Variants in ZNF718 observed in about 807,000 individuals in gnomAD.
ZNF718 encodes zinc finger protein 718.
Under a neutral mutation model 2.6 loss-of-function variants are expected in ZNF718, and 3 were observed. That is an observed-to-expected ratio of 1.16 (90% CI 0.53 to 3.01). The LOEUF is 3.01. Ranked by LOEUF, ZNF718 falls within the 30% of genes most tolerant of loss-of-function variation. The probability of loss-of-function intolerance (pLI) is 0.03; values close to 1 mark genes in which losing one functional copy is unlikely to be tolerated. For missense variants in ZNF718, 468 were observed against 230.0 expected (o/e 2.03, Z -6.69); for synonymous variants, 135 against 77.9 (o/e 1.73, Z -3.86).
chr4:153,959 C>T (rs1716453483), intron 3 of ZNF718, among the ~76,000 whole-genome samples: 3 of 152,022 alleles, frequency 2.0e-5, no homozygotes, highest in Non-Finnish European at 2.9e-5. Context: ...TGATTGTGTC[C>T]CCACCCAAAT....
intron 3 of ZNF718, among the ~76,000 whole-genome samples, chr4:179,914 A>G (rs1306649611): frequency 6.6e-6 from 1 of 152,212 alleles, no homozygotes; most frequent in Non-Finnish European, 1.5e-5. Context: ...AACATCATAT[A>G]TGTTTTATCC....
chr4:180,213 G>A (rs1266680470), intron 3 of ZNF718, among the ~76,000 whole-genome samples: 2 of 152,172 alleles, frequency 1.3e-5, no homozygotes, highest in Non-Finnish European at 1.5e-5. Flanking sequence ...TTCATTCATT[G>A]TGTAAGTTAC....
chr4:174,918 A>G (rs1717317711), intron 3 of ZNF718, among the ~76,000 whole-genome samples: 1 of 152,216 alleles, frequency 6.6e-6, no homozygotes, highest in African/African-American at 2.4e-5. Context: ...CTGGGAATGT[A>G]GAAAGAACTA....
At chr4:181,564 G>T (rs1348781081) in intron 3 of ZNF718, among the ~76,000 whole-genome samples, 1 of 151,700 alleles carries the variant, frequency 6.6e-6, no homozygotes, top group Non-Finnish European at 1.5e-5. Flanking sequence ...AAATTTCTTG[G>T]CATCTTTGAC....
At chr4:181,135 C>T (rs933158784) in intron 3 of ZNF718, among the ~76,000 whole-genome samples, 67 of 144,058 alleles carry the variant, frequency 4.7e-4, no homozygotes, top group Non-Finnish European at 1.2e-4. Context: ...GCTGGGACTA[C>T]AGGCCTGTGC....
chr4:173,608 T>C (rs2108810972), intron 3 of ZNF718, among the ~76,000 whole-genome samples: 1 of 152,314 alleles, frequency 6.6e-6, no homozygotes, highest in South Asian at 2.1e-4. Context: ...AAAGGAATTT[T>C]TGACAGCAAA....
At chr4:124,499 G>A (rs1715099122), upstream of ZNF718, 2 of 844,448 alleles carry the variant, frequency 2.4e-6, no homozygotes, top group Non-Finnish European at 3.9e-6. Flanking sequence ...GGGATCTGGC[G>A]CGGCTTTTGC....
At chr4:160,739 G>A (rs1553814727) in intron 3 of ZNF718, among the ~76,000 whole-genome samples, 173 bp from the exon 4 acceptor site, 2 of 152,004 alleles carry the variant, frequency 1.3e-5, no homozygotes, top group Non-Finnish European at 2.9e-5. Flanking sequence ...TTTTAGTACA[G>A]ACAGTGTTTC....
At chr4:137,874 A>G (rs1715642400) in intron 3 of ZNF718, among the ~76,000 whole-genome samples, 1 of 152,240 alleles carries the variant, frequency 6.6e-6, no homozygotes, top group Non-Finnish European at 1.5e-5. Context: ...TATATGCAAG[A>G]AAACATTGCC....
At chr4:143,708 C>T (rs1715914881) in intron 3 of ZNF718, among the ~76,000 whole-genome samples, 1 of 152,112 alleles carries the variant, frequency 6.6e-6, no homozygotes, top group Admixed American at 6.5e-5. Context: ...TAACCAAACA[C>T]GTTTGCTCTT....
intron 3 of ZNF718, among the ~76,000 whole-genome samples, chr4:187,197 T>C (rs1428359386): frequency 6.6e-6 from 1 of 151,968 alleles, no homozygotes; most frequent in Non-Finnish European, 1.5e-5. Context: ...GGTTTTTTTG[T>C]TTTTTTGTTT....
At chr4:182,263 C>CTAATT (rs1160750228) in intron 3 of ZNF718, among the ~76,000 whole-genome samples, 1 of 151,686 alleles carries the variant, frequency 6.6e-6, no homozygotes, top group Non-Finnish European at 1.5e-5. Flanking sequence ...AATGGTTGAA[C>CTAATT]TAATTTACAC....
At chr4:157,420 G>A (rs1296999062) in intron 3 of ZNF718, among the ~76,000 whole-genome samples, 1 of 151,996 alleles carries the variant, frequency 6.6e-6, no homozygotes, top group African/African-American at 2.4e-5. Context: ...CGGCCTTGTT[G>A]TTTTTCTTAT....
Position 162,322 on chromosome 4 carries a change from A to G in ZNF718, c.*200A>G. 1 of 473,636 alleles carries G rather than the reference A, an allele frequency of 2.1e-6. No individual in the cohort carries two copies. Among genetic ancestry groups the G allele is most frequent in the Non-Finnish European group, 3.7e-6 (1 of 268,552 alleles). 29.3% of individuals were successfully genotyped at this position (473,636 alleles called of 1,614,324 possible). A position where few individuals can be genotyped will look rare whatever the true frequency, so the allele number is the denominator to read the frequency against. ...GGAAAAGCCTTCAAATGCTTGTCAC[A>G]TATTACTGAATATAATTCTTACTGC... is the stretch of plus-strand genomic sequence containing the variant. On this transcript the variant is annotated 3_prime_UTR_variant, in exon 4 of 4. Transcript: ENST00000510175.
rs904799783 is a variant in ZNF718, at chr4:162,950, C to A, written c.*828C>A. ...TCAGAGTGTAAAGTATAAAAAAATT[C>A]CAAAGCTGAAACTGTTAGATAATTT... On this transcript the variant is annotated 3_prime_UTR_variant, in exon 4 of 4. Transcript: ENST00000510175. The A allele has an allele frequency of 1.3e-5, 2 of 152,006 alleles. No homozygotes were observed. The highest frequency in any genetic ancestry group is 2.9e-5 in the Non-Finnish European group (2 of 67,982). The allele number at this position is 152,006 out of a possible 1,614,324, so 9.4% of individuals were successfully genotyped here. A position where few individuals can be genotyped will look rare whatever the true frequency, so the allele number is the denominator to read the frequency against.
intron 3 of ZNF718, among the ~76,000 whole-genome samples, chr4:151,328 A>G (rs1716312778): frequency 6.6e-6 from 1 of 151,376 alleles, no homozygotes; most frequent in South Asian, 2.1e-4. Context: ...CTGGTCTCAA[A>G]CTCCTGAGCT....
intron 1 of ZNF718, among the ~76,000 whole-genome samples, chr4:125,950 C>G (rs1261003022): frequency 3.3e-5 from 5 of 152,180 alleles, no homozygotes; most frequent in Admixed American, 1.3e-4. Flanking sequence ...CTTCTCCAAC[C>G]CAGGCTTCTG....
exon 4 of ZNF718, chr4:201,179 A>G (rs1253066424): frequency 6.6e-6 from 1 of 152,354 alleles, no homozygotes; most frequent in African/African-American, 2.4e-5. Flanking sequence ...TGTAAGCTCC[A>G]CTAGTGACTG....
At chr4:140,872 A>G (rs1195368462) in intron 3 of ZNF718, among the ~76,000 whole-genome samples, 2 of 152,256 alleles carry the variant, frequency 1.3e-5, no homozygotes, top group African/African-American at 4.8e-5. Flanking sequence ...TTTACTAAAC[A>G]AGCTAGCTTT....
Sources: gnomAD v4.1 joint callset for allele counts (sites outside exome capture counted in the v4.1 genomes callset) on GRCh38, gnomAD v4.1.1 for gene constraint, MANE v1.5 for transcripts, NCBI Gene and HGNC (gene_info 2026-07-23, HGNC 2026-07-21) for gene names.